Variants in ACP3 observed in about 807,000 individuals in gnomAD.
ACP3 encodes prostatic acid phosphatase.
Under a neutral mutation model 45.6 loss-of-function variants are expected in ACP3, and 38 were observed. The ratio of observed to expected loss-of-function variants is 0.83; its 90% confidence interval spans 0.64 to 1.09. The LOEUF (loss-of-function observed/expected upper bound fraction) is 1.09. ACP3 is among the 50% of genes least tolerant of loss of function. The pLI, the probability that ACP3 is intolerant of heterozygous loss-of-function variation, is 0.00. For synonymous variants in ACP3, 162 were observed against 164.7 expected, an observed-to-expected ratio of 0.98 and a Z score of 0.13; for missense variants, 466 against 463.2, an observed-to-expected ratio of 1.01 and a Z score of -0.05.
chr3:132,352,380 T>G (rs551851294), intron 8 of ACP3, among the ~76,000 whole-genome samples: 6 of 140,750 alleles, frequency 4.3e-5, no homozygotes, highest in Admixed American at 3.6e-4. Flanking sequence ...TTTTTTTTAG[T>G]AGGGATGGGG....
At chr3:132,319,583 T>C (rs1473577636) in intron 1 of ACP3, among the ~76,000 whole-genome samples, 1 of 152,244 alleles carries the variant, frequency 6.6e-6, no homozygotes, top group Admixed American at 6.5e-5. Context: ...GCATCCTGTA[T>C]GTTTATTTGC....
At chr3:132,323,051 T>G (rs1937233631) in intron 1 of ACP3, among the ~76,000 whole-genome samples, 1 of 152,104 alleles carries the variant, frequency 6.6e-6, no homozygotes, top group Non-Finnish European at 1.5e-5. Context: ...CTTCCTAACC[T>G]CTAGAATTGT....
chr3:132,350,639 C>G (rs1937707489), intron 8 of ACP3, among the ~76,000 whole-genome samples: 5 of 152,160 alleles, frequency 3.3e-5, no homozygotes, highest in Admixed American at 3.3e-4. Context: ...TATACAACAT[C>G]TCCATCATCA....
chr3:132,334,568 C>T (rs962614858), intron 4 of ACP3, among the ~76,000 whole-genome samples: 12 of 152,128 alleles, frequency 7.9e-5, no homozygotes, highest in Admixed American at 7.2e-4. Flanking sequence ...ACAGGGCCGT[C>T]GTTCAGGTCT....
chr3:132,337,607 A>C (rs1937512838), intron 5 of ACP3, 53 bp downstream of exon 5: 1 of 1,178,192 alleles, frequency 8.5e-7, no homozygotes, highest in Admixed American at 1.9e-5. Flanking sequence ...GTGGTACTTG[A>C]GTGTGAGGGC....
chr3:132,352,688 A>G (rs1576425837), intron 8 of ACP3, 32 bp from the exon 9 acceptor site: 1 of 1,483,676 alleles, frequency 6.7e-7, no homozygotes, highest in Non-Finnish European at 9.4e-7. Context: ...GTGAATCTGA[A>G]CAGGCGATAA....
intron 1 of ACP3, among the ~76,000 whole-genome samples, chr3:132,323,379 G>A (rs1937239671): frequency 6.6e-6 from 1 of 152,138 alleles, no homozygotes; most frequent in African/African-American, 2.4e-5. Context: ...GCTTGTGACA[G>A]CAAGGCTTCT....
downstream of ACP3, among the ~76,000 whole-genome samples, chr3:132,362,563 C>T (rs1938061150): frequency 6.6e-6 from 1 of 152,152 alleles, no homozygotes; most frequent in African/African-American, 2.4e-5. Context: ...ATAATTAAAT[C>T]AGCCCTAACA....
At chr3:132,331,531 A>G (rs1199322098) in intron 2 of ACP3, 116 bp from the exon 3 acceptor site, 2 of 714,246 alleles carry the variant, frequency 2.8e-6, no homozygotes, top group Non-Finnish European at 4.5e-6. Flanking sequence ...GAACTATTAA[A>G]CCACACCATT....
downstream of ACP3, among the ~76,000 whole-genome samples, chr3:132,361,824 A>G (rs767427499): frequency 2.6e-4 from 40 of 152,264 alleles, no homozygotes; most frequent in Non-Finnish European, 5.3e-4. Flanking sequence ...AGGAAACCAC[A>G]TTCCTCCCTG....
downstream of ACP3, among the ~76,000 whole-genome samples, chr3:132,359,485 GCA>G (rs2107821602): frequency 6.6e-6 from 1 of 152,074 alleles, no homozygotes; most frequent in African/African-American, 2.4e-5. Flanking sequence ...TCCAGCCTGG[GCA>G]ACAGAGCGAG....
intron 6 of ACP3, among the ~76,000 whole-genome samples, chr3:132,344,006 T>G (rs1937579763): frequency 6.6e-6 from 1 of 152,100 alleles, no homozygotes; most frequent in African/African-American, 2.4e-5. Context: ...TGTGGCCAGG[T>G]GTAGTGGCTC....
At chr3:132,321,976 T>C (rs1937215244) in intron 1 of ACP3, among the ~76,000 whole-genome samples, 1 of 152,220 alleles carries the variant, frequency 6.6e-6, no homozygotes, top group Non-Finnish European at 1.5e-5. Context: ...ATATTACACA[T>C]TTAATTTTCA....
intron 7 of ACP3, among the ~76,000 whole-genome samples, chr3:132,346,226 C>T (rs1259749424): frequency 2.6e-5 from 4 of 152,132 alleles, no homozygotes; most frequent in African/African-American, 9.7e-5. Context: ...GAAAAGGAAT[C>T]AATTATAGCT....
exon 11 of ACP3, chr3:132,367,900 T>C: frequency 8.8e-7 from 1 of 1,133,272 alleles, no homozygotes; most frequent in Non-Finnish European, 1.3e-6. Flanking sequence ...GGACAGGCTT[T>C]TGCCATGTGG....
At chr3:132,326,508 G>A (rs1466067511) in intron 1 of ACP3, among the ~76,000 whole-genome samples, 1 of 152,150 alleles carries the variant, frequency 6.6e-6, no homozygotes, top group African/African-American at 2.4e-5. Flanking sequence ...ATTCATGAAA[G>A]TAATTTCTCA....
At chr3:132,326,036 C>T (rs1937292996) in intron 1 of ACP3, among the ~76,000 whole-genome samples, 11 of 152,168 alleles carry the variant, frequency 7.2e-5, no homozygotes, top group Non-Finnish European at 1.5e-5. Context: ...ATTACAATGT[C>T]TCTCACCTGA....
intron 5 of ACP3, among the ~76,000 whole-genome samples, chr3:132,339,542 C>A (rs112708165): frequency 6.6e-6 from 1 of 151,400 alleles, no homozygotes; most frequent in African/African-American, 2.5e-5. Flanking sequence ...AGTTGGGGTT[C>A]CCACAACTTC....
At chr3:132,343,038 T>C (rs997211526) in intron 6 of ACP3, among the ~76,000 whole-genome samples, 2 of 152,200 alleles carry the variant, frequency 1.3e-5, no homozygotes, top group African/African-American at 4.8e-5. Context: ...GATTTCCGAA[T>C]GTAGAAATAA....
Sources: gnomAD v4.1 joint callset for allele counts (sites outside exome capture counted in the v4.1 genomes callset) on GRCh38, gnomAD v4.1.1 for gene constraint, MANE v1.5 for transcripts, NCBI Gene and HGNC (gene_info 2026-07-23, HGNC 2026-07-21) for gene names.